Variants in C3orf22 observed in about 807,000 individuals in gnomAD.
The protein encoded by C3orf22 is chromosome 3 open reading frame 22.
In C3orf22, 7 loss-of-function variants were observed where a neutral mutation model predicts 10.8. The observed-to-expected ratio is 0.65, with a 90% CI of 0.37 to 1.22. The LOEUF is 1.22. C3orf22 is among the 50% of genes most tolerant of loss of function. The pLI is 0.02. For missense variants in C3orf22, 173 were observed against 177.0 expected, an observed-to-expected ratio of 0.98 and a Z score of 0.13; for synonymous variants, 79 against 78.9, an observed-to-expected ratio of 1.00 and a Z score of 0.00.
chr3:126,547,067 A>G (rs1937081037), downstream of C3orf22, among the ~76,000 whole-genome samples: 1 of 152,102 alleles, frequency 6.6e-6, no homozygotes, highest in Non-Finnish European at 1.5e-5. Context: ...CTGCAGGATA[A>G]ACTCCTGGGA....
At chr3:126,555,550 C>A (rs971543892) in intron 1 of C3orf22, among the ~76,000 whole-genome samples, 1 of 152,124 alleles carries the variant, frequency 6.6e-6, no homozygotes, top group African/African-American at 2.4e-5. Flanking sequence ...GAGCGCAGGC[C>A]CCATTATGAA....
intron 1 of C3orf22, 105 bp from the exon 2 acceptor site, chr3:126,553,535 A>C: frequency 1.4e-6 from 1 of 710,028 alleles, no homozygotes; most frequent in South Asian, 1.6e-5. Flanking sequence ...CCGCCAAATG[A>C]CCTGCATCAC....
chr3:126,536,168 G>A (rs2107568206), intron 4 of C3orf22: 2 of 879,522 alleles, frequency 2.3e-6, no homozygotes, highest in Admixed American at 2.0e-5. Flanking sequence ...AGGAAATTGA[G>A]TGCCAGAGGT....
At chr3:126,529,413 G>T (rs1057042815) in intron 4 of C3orf22, 28 of 1,287,614 alleles carry the variant, frequency 2.2e-5, no homozygotes, top group Non-Finnish European at 2.4e-5. Context: ...AGGACAAGGG[G>T]GCACCCAGAG....
At chr3:126,544,485 A>G (rs1937034521) in intron 4 of C3orf22, among the ~76,000 whole-genome samples, 1 of 152,220 alleles carries the variant, frequency 6.6e-6, no homozygotes, top group African/African-American at 2.4e-5. Flanking sequence ...GGCCTTGGCC[A>G]CACTGGGGCC....
intron 1 of C3orf22, among the ~76,000 whole-genome samples, chr3:126,558,262 C>T (rs542407633): frequency 2.9e-4 from 44 of 152,344 alleles, no homozygotes; most frequent in African/African-American, 1.0e-3. Flanking sequence ...TGCCTGCATT[C>T]ACACAGTGAG....
In C3orf22 at chr3:126,552,019, T is replaced by G. The variant is rs923965335; in HGVS notation, c.193A>C (p.Thr65Pro). 6.2e-7 allele frequency: 1 copy of G among 1,612,942 alleles called. No individual in the cohort carries two copies. The highest frequency in any genetic ancestry group is 2.2e-5 in the East Asian group (1 of 44,850). Residue 65 changes from threonine to proline, a missense_variant, in exon 3 of 4, where the codon ACG becomes CCG. Coordinates refer to ENST00000318225, the MANE Select transcript of C3orf22 (RefSeq NM_152533.3). ...TACCCTCGGACTGGGATGGACCTCG[T>G]TGGCACCAACCTCTTCTGCAGGGGC... The part of the protein sequence containing the change: ...QLPLQKRLVP[T>P]RSIPVRGLGA...
intron 4 of C3orf22, chr3:126,542,238 T>A: frequency 6.6e-7 from 1 of 1,525,914 alleles, no homozygotes; most frequent in Non-Finnish European, 8.7e-7. Flanking sequence ...GCGGAGTTCC[T>A]GGCCTACCTG....
intron 1 of C3orf22, among the ~76,000 whole-genome samples, chr3:126,556,045 G>A (rs887951485): frequency 2.0e-5 from 3 of 152,236 alleles, no homozygotes; most frequent in Non-Finnish European, 4.4e-5. Flanking sequence ...TCCACTGAAA[G>A]CCCTCAGCCT....
chr3:126,555,695 C>T (rs763495599), intron 1 of C3orf22, among the ~76,000 whole-genome samples: 9 of 152,290 alleles, frequency 5.9e-5, no homozygotes, highest in Middle Eastern at 3.4e-3. Flanking sequence ...AATTGTTTTC[C>T]ATGAAACCGT....
At chr3:126,540,176 C>G (rs749017590) in intron 4 of C3orf22, among the ~76,000 whole-genome samples, 75 of 152,248 alleles carry the variant, frequency 4.9e-4, no homozygotes, top group Non-Finnish European at 8.5e-4. Context: ...CTCCAAAGGC[C>G]GCTTTGGCCT....
At chr3:126,542,045 C>A (rs752028882) in intron 4 of C3orf22, 5 of 1,575,542 alleles carry the variant, frequency 3.2e-6, no homozygotes, top group Non-Finnish European at 4.3e-6. Flanking sequence ...CCGGCGCCTG[C>A]GCGCCTACTT....
In C3orf22 at chr3:126,553,315, T is replaced by A; in HGVS notation, c.76A>T (p.Lys26Ter). 1.2e-6 allele frequency: 2 copies of A among 1,613,958 alleles called. No individual in the cohort carries two copies. Among genetic ancestry groups the A allele is most frequent in the Non-Finnish European group, 1.7e-6 (2 of 1,179,852 alleles). Residue 26 changes from lysine to a stop codon, truncating the protein, a stop_gained, in exon 2 of 4, where the codon AAG (lysine) becomes TAG (stop). Coordinates refer to ENST00000318225, the MANE Select transcript of C3orf22 (RefSeq NM_152533.3). LOFTEE classifies it high-confidence loss of function. ...AGCCTCCCGCACCTGTACGGAAACT[T>A]CTTGGCAAAATTCTCCTGGGCCTGG... Reference protein sequence around the residue: ...RIQAQENFAKKFPYRLSWLTE... With the variant: ...RIQAQENFAK
At chr3:126,549,468 C>T, downstream of C3orf22, 1 of 471,344 alleles carries the variant, frequency 2.1e-6, no homozygotes, top group Non-Finnish European at 4.1e-6. Flanking sequence ...GAGTGTTTAG[C>T]AAACAGTTTA....
intron 4 of C3orf22, among the ~76,000 whole-genome samples, chr3:126,530,102 A>G (rs373732194): frequency 6.6e-6 from 1 of 152,196 alleles, no homozygotes; most frequent in Non-Finnish European, 1.5e-5. Flanking sequence ...AGGATCCTCA[A>G]GATACCCCCC....
chr3:126,540,310 C>G (rs2107572631), intron 4 of C3orf22, among the ~76,000 whole-genome samples: 1 of 152,314 alleles, frequency 6.6e-6, no homozygotes, highest in South Asian at 2.1e-4. Context: ...TCACCGCTGT[C>G]TAATTTCCAA....
At chr3:126,558,345 C>T (rs190201998) in intron 1 of C3orf22, among the ~76,000 whole-genome samples, 15 of 152,238 alleles carry the variant, frequency 9.9e-5, no homozygotes, top group African/African-American at 2.6e-4. Context: ...AGTCCTGAAC[C>T]GGGGAAGCAG....
At position 126,552,213 on chromosome 3, in the gene C3orf22, A is replaced by G. The variant is rs543331997; in HGVS notation, c.90-91T>C. ...ATCTGGAACTTTCCATCTGCTAGGC[A>G]CTGTTCTAAGTGCTTCACAAATATT... On this transcript the variant is annotated intron_variant, in intron 2 of 3. Transcript: ENST00000318225. 138 of 1,589,718 alleles carry G rather than the reference A, an allele frequency of 8.7e-5. No homozygotes were observed. In the African/African-American group the frequency reaches 1.6e-3, roughly 18 times the overall value.
At chr3:126,534,962 G>GT (rs1936738500) in intron 4 of C3orf22, among the ~76,000 whole-genome samples, 2 of 131,076 alleles carry the variant, frequency 1.5e-5, no homozygotes, top group East Asian at 2.5e-4. Flanking sequence ...TCCCCAGCCG[G>GT]AGACAGACCA....
Sources: allele counts gnomAD v4.1 joint callset (sites outside exome capture counted in the v4.1 genomes callset), GRCh38; gene constraint gnomAD v4.1.1; transcripts MANE v1.5; gene names NCBI Gene and HGNC (gene_info 2026-07-23, HGNC 2026-07-21).